TLN2: variants seen among roughly 807,000 people sequenced by gnomAD.
TLN2 encodes talin-2.
TLN2 carries 118 observed loss-of-function variants against 294.7 expected under a neutral mutation model. The ratio of observed to expected loss-of-function variants is 0.40; its 90% confidence interval spans 0.34 to 0.47. The LOEUF (loss-of-function observed/expected upper bound fraction) is 0.47, where lower values mean the gene tolerates loss of function less well. TLN2 is among the 20% of genes least tolerant of loss of function. The probability of loss-of-function intolerance (pLI) is 0.84; values close to 1 mark genes in which losing one functional copy is unlikely to be tolerated. For missense variants in TLN2, 3,083 were observed against 3,282.2 expected, an observed-to-expected ratio of 0.94 and a Z score of 1.48; for synonymous variants, 1,431 against 1,304.5, an observed-to-expected ratio of 1.10 and a Z score of -2.09.
rs1238803119 is a variant in TLN2, at chr15:62,606,477, A to G, written c.-161-11874A>G. Among the ~76,000 whole-genome samples, 5 of 152,280 alleles carry G rather than the reference A, an allele frequency of 3.3e-5. No individual in the cohort carries two copies. The East Asian group carries it at 7.7e-4, about 23-fold the overall frequency. On this transcript the variant is annotated intron_variant, in intron 2 of 58. Transcript: ENST00000636159. ...GGTTTAACAGTAAAAAAGTTTAGCG[A>G]TGATAGAATCCAGCTAGGCCTAATA...
At chr15:62,430,070 C>T (rs572166111) in intron 1 of TLN2, among the ~76,000 whole-genome samples, 1 of 152,158 alleles carries the variant, frequency 6.6e-6, no homozygotes, top group South Asian at 2.1e-4. Context: ...CCTTTGAGTC[C>T]CCTGGAATGT....
At chr15:62,459,167 A>AT (rs1396180194) in intron 1 of TLN2, among the ~76,000 whole-genome samples, 1 of 151,762 alleles carries the variant, frequency 6.6e-6, no homozygotes, top group East Asian at 1.9e-4. Context: ...AGCCTGGCTA[A>AT]TTTTTTGTAT....
chr15:62,800,032 A>C (rs2065817944), intron 48 of TLN2, among the ~76,000 whole-genome samples: 1 of 152,212 alleles, frequency 6.6e-6, no homozygotes, highest in South Asian at 2.1e-4. Context: ...GGTGCCAGTT[A>C]GGAGTAAGTG....
intron 28 of TLN2, among the ~76,000 whole-genome samples, chr15:62,731,772 GGTATTTCTCCA>G (rs1340514847): frequency 2.0e-5 from 3 of 152,024 alleles, no homozygotes; most frequent in African/African-American, 7.3e-5. Flanking sequence ...TTGGTGCCTT[GGTATTTCTCCA>G]GTGTCTTCAA....
intron 40 of TLN2, among the ~76,000 whole-genome samples, chr15:62,765,453 C>G (rs1175502845): frequency 2.0e-5 from 3 of 152,160 alleles, no homozygotes; most frequent in Non-Finnish European, 4.4e-5. Context: ...AGGCTAGAGT[C>G]TCATTTCTGA....
At position 62,690,884 on chromosome 15, in the gene TLN2, C is replaced by T. The variant is rs545758580; in HGVS notation, c.1114-1956C>T. Among the ~76,000 whole-genome samples, 87 of 151,826 alleles carry T rather than the reference C, an allele frequency of 5.7e-4. 1 individual carries two copies. In the East Asian group the frequency reaches 0.015, roughly 26 times the overall value. ...CGAAAACCAGTCAGGCGTGGCGGTG[C>T]GCGCCTGCAATCGCAGGCACTCGGC... On this transcript the variant is annotated intron_variant, in intron 12 of 58. Coordinates refer to ENST00000636159, the MANE Select transcript of TLN2 (RefSeq NM_015059.3).
chr15:62,530,546 A>G (rs1028151521), intron 1 of TLN2, among the ~76,000 whole-genome samples: 7 of 151,898 alleles, frequency 4.6e-5, no homozygotes, highest in African/African-American at 9.7e-5. Flanking sequence ...TAGTAGAGAC[A>G]GGGTTTCACT....
At chr15:62,413,288 CTTAT>C (rs2033879874) in intron 1 of TLN2, among the ~76,000 whole-genome samples, 1 of 152,138 alleles carries the variant, frequency 6.6e-6, no homozygotes, top group Non-Finnish European at 1.5e-5. Context: ...ATCCAGGGAT[CTTAT>C]TTAGTCCATG....
intron 54 of TLN2, among the ~76,000 whole-genome samples, chr15:62,824,872 A>C (rs1017204364): frequency 2.6e-5 from 4 of 152,212 alleles, no homozygotes; most frequent in Non-Finnish European, 5.9e-5. Context: ...CTTTGTGAGC[A>C]CTGCTTTCTG....
At chr15:62,444,330 G>A (rs1037180075) in intron 1 of TLN2, among the ~76,000 whole-genome samples, 2 of 152,234 alleles carry the variant, frequency 1.3e-5, no homozygotes, top group African/African-American at 4.8e-5. Flanking sequence ...ATCTTCAGAT[G>A]ACTTCATTCT....
At chr15:62,521,879 C>T (rs1323371768) in intron 1 of TLN2, among the ~76,000 whole-genome samples, 1 of 152,156 alleles carries the variant, frequency 6.6e-6, no homozygotes, top group Non-Finnish European at 1.5e-5. Flanking sequence ...TCAGTGTCTG[C>T]TCTCTGCCGT....
intron 41 of TLN2, among the ~76,000 whole-genome samples, chr15:62,767,077 T>C (rs1382648200): frequency 6.6e-6 from 1 of 152,178 alleles, no homozygotes; most frequent in Admixed American, 6.5e-5. Context: ...TTTAACCACC[T>C]TGGGTTTCCT....
rs77483249 is a variant in TLN2 at position 62,566,593 on chromosome 15, C to G, written c.-237-23094C>G. On this transcript the variant is annotated intron_variant, in intron 1 of 58. Coordinates refer to ENST00000636159, the MANE Select transcript of TLN2 (RefSeq NM_015059.3). ...CCTGATGAGTCTTTCTAAAAAACTC[C>G]TGGCAGCATTGAGTAGCCACAGAAA... 1.3e-3 allele frequency among the ~76,000 whole-genome samples: 201 copies of G among 150,986 alleles called. 1 individual carries two copies. The highest frequency in any genetic ancestry group is 4.6e-3 in the African/African-American group (191 of 41,110).
chr15:62,455,683 C>T (rs1190915311), intron 1 of TLN2, among the ~76,000 whole-genome samples: 2 of 152,204 alleles, frequency 1.3e-5, no homozygotes, highest in African/African-American at 4.8e-5. Context: ...GTGCCCTGCT[C>T]GGGGCTGCCT....
rs549586570 is a variant in TLN2 at position 62,751,144 on chromosome 15, TA to T, written c.4209+664del. On this transcript the variant is annotated intron_variant, in intron 34 of 58. Coordinates refer to ENST00000636159, the MANE Select transcript of TLN2 (RefSeq NM_015059.3). ...AAAAGGCTCCTTAGTGGAACAATAA[TA>T]AAAAAAAAAACTGTTGAGAAACACT... 5.2e-3 allele frequency among the ~76,000 whole-genome samples: 758 copies of T among 145,634 alleles called. 4 individuals carry two copies. Among genetic ancestry groups the T allele is most frequent in the Middle Eastern group, 0.021 (6 of 284 alleles).
intron 14 of TLN2, 94 bp downstream of exon 14, chr15:62,694,486 A>ATCTTCT: frequency 9.9e-7 from 1 of 1,008,088 alleles, no homozygotes; most frequent in Non-Finnish European, 1.5e-6. Context: ...GAAGCCTGTC[A>ATCTTCT]CCTGGAGAAG....
intron 57 of TLN2, among the ~76,000 whole-genome samples, chr15:62,836,979 C>CATGAT (rs1567718744): frequency 6.9e-6 from 1 of 144,360 alleles, no homozygotes; most frequent in Non-Finnish European, 1.5e-5. Context: ...TTAATGATTG[C>CATGAT]ATGATATTAC....
At chr15:62,631,655 T>TTTTC (rs202108354) in intron 3 of TLN2, among the ~76,000 whole-genome samples, 4 of 149,648 alleles carry the variant, frequency 2.7e-5, no homozygotes, top group South Asian at 4.3e-4. Flanking sequence ...CTTTCCTTCT[T>TTTTC]TTTCTTTCTT....
intron 1 of TLN2, among the ~76,000 whole-genome samples, chr15:62,531,170 A>T (rs1034105947): frequency 1.3e-5 from 2 of 152,224 alleles, no homozygotes; most frequent in Non-Finnish European, 2.9e-5. Context: ...TTCTAGAATC[A>T]ACTTAAGTCC....
Sources: allele counts gnomAD v4.1 joint callset (sites outside exome capture counted in the v4.1 genomes callset), GRCh38; gene constraint gnomAD v4.1.1; transcripts MANE v1.5; gene names NCBI Gene and HGNC (gene_info 2026-07-23, HGNC 2026-07-21).